MCTP1: variants seen among roughly 807,000 people sequenced by gnomAD.
The protein encoded by MCTP1 is multiple C2 and transmembrane domain-containing protein 1.
A neutral mutation model predicts 120.6 loss-of-function variants in MCTP1; 69 were observed. The observed-to-expected ratio is 0.57, with a 90% CI of 0.47 to 0.70. The LOEUF (loss-of-function observed/expected upper bound fraction) is 0.70. Ranked by LOEUF, MCTP1 falls within the 30% of genes least tolerant of loss-of-function variation. The pLI is 0.00. For missense variants in MCTP1, 1,203 were observed against 1,248.8 expected (o/e 0.96, Z 0.55); for synonymous variants, 529 against 493.1 (o/e 1.07, Z -0.96).
intron 9 of MCTP1, 36 bp downstream of exon 9, chr5:94,912,770 C>A: frequency 6.8e-7 from 1 of 1,480,180 alleles, no homozygotes; most frequent in South Asian, 1.5e-5. Flanking sequence ...CAATGCCTTC[C>A]AAATATTGAC....
chr5:94,774,712 T>C (rs1774916401), intron 19 of MCTP1, among the ~76,000 whole-genome samples: 1 of 152,164 alleles, frequency 6.6e-6, no homozygotes. Context: ...TGTGTGGCAA[T>C]TTGTTATGCA....
intron 1 of MCTP1, among the ~76,000 whole-genome samples, chr5:95,180,376 G>A (rs1392109206): frequency 6.6e-6 from 1 of 152,182 alleles, no homozygotes; most frequent in Non-Finnish European, 1.5e-5. Context: ...ACCCTGTCTA[G>A]GTCCAGATTG....
intron 18 of MCTP1, among the ~76,000 whole-genome samples, chr5:94,795,386 G>A (rs1779794002): frequency 6.6e-6 from 1 of 152,158 alleles, no homozygotes; most frequent in South Asian, 2.1e-4. Flanking sequence ...TTCACACAGA[G>A]CCCACGGTGT....
At chr5:95,243,780 T>C (rs1012173484) in intron 1 of MCTP1, among the ~76,000 whole-genome samples, 1 of 151,956 alleles carries the variant, frequency 6.6e-6, no homozygotes, top group East Asian at 1.9e-4. Context: ...TGGTGATGGA[T>C]TGGAAGTGGC....
Position 95,181,331 on chromosome 5 carries a change from A to G in MCTP1, c.720+102525T>C, listed in dbSNP as rs114955357. Among the ~76,000 whole-genome samples the G allele has an allele frequency of 7.0e-3, 1,069 of 152,272 alleles. 14 individuals are homozygous for G. The highest frequency in any genetic ancestry group is 0.024 in the African/African-American group (1,013 of 41,544). Reference sequence around the variant, plus strand: ...TAGCTCACTCTAGCTACACGTCTACATTCTGCTGTTTTTATACTACAAGCT... The same window carrying G: ...TAGCTCACTCTAGCTACACGTCTACGTTCTGCTGTTTTTATACTACAAGCT... On this transcript the variant is annotated intron_variant, in intron 1 of 22. Coordinates refer to ENST00000515393, the MANE Select transcript of MCTP1 (RefSeq NM_024717.7).
In MCTP1 at chr5:94,888,822, G is replaced by C. The variant is rs1801894092; in HGVS notation, c.1933+57C>G. The C allele has an allele frequency of 4.9e-6, 5 of 1,022,760 alleles. No homozygotes were observed. The East Asian group carries it at 9.5e-5, about 19-fold the overall frequency. 63.4% of individuals were successfully genotyped at this position (1,022,760 alleles called of 1,614,324 possible). A position where few individuals can be genotyped will look rare whatever the true frequency, so the allele number is the denominator to read the frequency against. On this transcript the variant is annotated intron_variant, in intron 12 of 22. Coordinates refer to ENST00000515393, the MANE Select transcript of MCTP1 (RefSeq NM_024717.7). ...AAATGCAAAGTTGAATTATTAAATGGTGTAGACCTTGTGTGCTGCTTGATC... is the reference window on the plus strand; with the variant it reads ...AAATGCAAAGTTGAATTATTAAATGCTGTAGACCTTGTGTGCTGCTTGATC...
chr5:95,188,415 C>T (rs1749464797), intron 1 of MCTP1, among the ~76,000 whole-genome samples: 1 of 152,058 alleles, frequency 6.6e-6, no homozygotes, highest in Non-Finnish European at 1.5e-5. Context: ...GCATTTATAC[C>T]AGAGCAATGA....
chr5:94,944,827 G>A (rs1005304946), intron 3 of MCTP1, among the ~76,000 whole-genome samples: 2 of 152,082 alleles, frequency 1.3e-5, no homozygotes, highest in East Asian at 3.9e-4. Context: ...TTTGTCAGAG[G>A]GAGCATTGCT....
intron 17 of MCTP1, among the ~76,000 whole-genome samples, chr5:94,817,095 G>A (rs1784612240): frequency 6.6e-6 from 1 of 152,128 alleles, no homozygotes; most frequent in Non-Finnish European, 1.5e-5. Flanking sequence ...GACTCACCCA[G>A]TGTTTTGGCA....
chr5:94,833,031 G>A (rs1788922557), intron 17 of MCTP1, among the ~76,000 whole-genome samples: 1 of 152,198 alleles, frequency 6.6e-6, no homozygotes, highest in African/African-American at 2.4e-5. Flanking sequence ...AGTTATCTCA[G>A]TAGGATGGTG....
chr5:95,035,755 G>A (rs1184689932), intron 1 of MCTP1, among the ~76,000 whole-genome samples: 2 of 151,930 alleles, frequency 1.3e-5, no homozygotes, highest in African/African-American at 4.8e-5. Context: ...AAAATTTAAA[G>A]AAATAATGTA....
intron 1 of MCTP1, among the ~76,000 whole-genome samples, chr5:95,199,994 C>T (rs1750825802): frequency 6.6e-6 from 1 of 151,972 alleles, no homozygotes; most frequent in South Asian, 2.1e-4. Flanking sequence ...AACCTCGTCT[C>T]TACTAAAAAT....
chr5:94,727,635 G>T (rs1762383052), intron 19 of MCTP1, among the ~76,000 whole-genome samples: 1 of 152,180 alleles, frequency 6.6e-6, no homozygotes, highest in Non-Finnish European at 1.5e-5. Flanking sequence ...GACGTTTGGG[G>T]ATAGGGAACA....
rs532955438 is a variant in MCTP1, at chr5:94,808,469, G to A, written c.2437-9337C>T. ...TTTCCAATTTATTTTGCTATTTCCT[G>A]TGATCATGCCACAATGATACAGGGA... On this transcript the variant is annotated intron_variant, in intron 17 of 22. Coordinates refer to ENST00000515393, the MANE Select transcript of MCTP1 (RefSeq NM_024717.7). Among the ~76,000 whole-genome samples the A allele has an allele frequency of 3.9e-5, 6 of 152,224 alleles. No homozygotes were observed. In the South Asian group the frequency reaches 1.2e-3, roughly 32 times the overall value.
intron 1 of MCTP1, among the ~76,000 whole-genome samples, chr5:95,091,104 C>T (rs964861535): frequency 2.0e-5 from 3 of 152,160 alleles, no homozygotes; most frequent in African/African-American, 7.2e-5. Flanking sequence ...CACCTTCCCC[C>T]CAACCCCAAA....
chr5:95,120,172 A>G (rs2347484), intron 1 of MCTP1, among the ~76,000 whole-genome samples: 137,616 of 139,110 alleles, frequency 0.99, 68,075 homozygotes, highest in South Asian at 1. Flanking sequence ...GCAAGACTCC[A>G]TCTCAAAAAA....
chr5:94,792,415 T>C (rs1006409066), intron 18 of MCTP1: 2 of 152,344 alleles, frequency 1.3e-5, no homozygotes, highest in Admixed American at 1.3e-4. Flanking sequence ...AGGGGTTGCC[T>C]TCCCTGAGCC....
At chr5:94,739,242 C>G (rs1315804533) in intron 19 of MCTP1, 4 of 152,172 alleles carry the variant, frequency 2.6e-5, no homozygotes, top group Non-Finnish European at 5.9e-5. Flanking sequence ...AGACAACCTT[C>G]CACCTTTGAA....
chr5:94,810,505 A>T (rs1783182997), intron 17 of MCTP1, among the ~76,000 whole-genome samples: 1 of 152,198 alleles, frequency 6.6e-6, no homozygotes. Context: ...TGTGCCAGAA[A>T]ATAGGATACC....
Sources: gnomAD v4.1 joint callset for allele counts (sites outside exome capture counted in the v4.1 genomes callset) on GRCh38, gnomAD v4.1.1 for gene constraint, MANE v1.5 for transcripts, NCBI Gene and HGNC (gene_info 2026-07-23, HGNC 2026-07-21) for gene names.